CDC16: variants seen among roughly 807,000 people sequenced by gnomAD.
CDC16 encodes cell division cycle protein 16 homolog.
Under a neutral mutation model 87.0 loss-of-function variants are expected in CDC16, and 34 were observed. The ratio of observed to expected loss-of-function variants is 0.39; its 90% CI spans 0.30 to 0.52. The LOEUF (loss-of-function observed/expected upper bound fraction) is 0.52. Among genes scored for constraint, CDC16 ranks in the 20% least tolerant of loss-of-function variants. CDC16 has a pLI of 0.74. For synonymous variants in CDC16, 263 were observed against 260.6 expected (o/e 1.01, Z -0.09); for missense variants, 653 against 751.9 (o/e 0.87, Z 1.54).
chr13:114,249,439 T>C (rs17338074), intron 11 of CDC16, among the ~76,000 whole-genome samples: 9,458 of 152,172 alleles, frequency 0.062, 586 homozygotes, highest in African/African-American at 0.15. Flanking sequence ...GGCCAGGGAC[T>C]GATACCAGTC....
intron 12 of CDC16, among the ~76,000 whole-genome samples, chr13:114,255,591 T>TAA (rs111984756): frequency 0.01 from 1,456 of 144,170 alleles, 22 homozygotes; most frequent in African/African-American, 0.035. Flanking sequence ...ATTCCAAAAT[T>TAA]AAAAAAAAAA....
intron 11 of CDC16, among the ~76,000 whole-genome samples, chr13:114,249,787 A>G (rs2082065944): frequency 6.6e-6 from 1 of 152,198 alleles, no homozygotes; most frequent in African/African-American, 2.4e-5. Context: ...AGGTTACAAA[A>G]TGGAGCTCCT....
chr13:114,239,212 C>A, intron 4 of CDC16, 138 bp from the exon 5 acceptor site: 2 of 1,406,180 alleles, frequency 1.4e-6, no homozygotes, highest in Non-Finnish European at 1.9e-6. Context: ...CACATGCTGA[C>A]ATGCATGAAG....
chr13:114,246,502 G>T (rs1031729012), intron 10 of CDC16, among the ~76,000 whole-genome samples: 1 of 152,210 alleles, frequency 6.6e-6, no homozygotes, highest in Admixed American at 6.5e-5. Flanking sequence ...CAGGGACTGC[G>T]TCTTTAAGGA....
At position 114,236,626 on chromosome 13, in the gene CDC16, T is replaced by G. The variant is rs1224016910; in HGVS notation, c.49-19T>G. ...AAATAACAGGGCAGTTACCACCTTT[T>G]TTTTTTTTTGGTATGCAGCAACAGT... is the stretch of plus-strand genomic sequence containing the variant. On this transcript the variant is annotated intron_variant, in intron 1 of 17. Coordinates refer to ENST00000356221, the MANE Select transcript of CDC16 (RefSeq NM_001078645.3). The G allele has an allele frequency of 6.3e-7, 1 of 1,592,328 alleles. No homozygotes were observed. The highest frequency in any genetic ancestry group is 8.6e-7 in the Non-Finnish European group (1 of 1,169,222).
At chr13:114,268,954 G>T (rs2083424592) in intron 17 of CDC16, among the ~76,000 whole-genome samples, 1 of 152,208 alleles carries the variant, frequency 6.6e-6, no homozygotes. Flanking sequence ...GGTTATAAAA[G>T]GGTAAAGCCT....
At chr13:114,242,854 G>A (rs1237122103) in intron 6 of CDC16, among the ~76,000 whole-genome samples, 1 of 152,222 alleles carries the variant, frequency 6.6e-6, no homozygotes, top group East Asian at 1.9e-4. Context: ...TGGAGATGTT[G>A]TTTGTCACAG....
chr13:114,245,502 C>T (rs987130823), intron 9 of CDC16, among the ~76,000 whole-genome samples: 6 of 152,154 alleles, frequency 3.9e-5, no homozygotes, highest in African/African-American at 1.4e-4. Context: ...GGTTCGTGGA[C>T]CAGCAACATC....
intron 1 of CDC16, among the ~76,000 whole-genome samples, chr13:114,235,823 G>A (rs2081221839): frequency 6.6e-6 from 1 of 152,196 alleles, no homozygotes; most frequent in South Asian, 2.1e-4. Context: ...GGAGGGCTGT[G>A]TTTTTATTTA....
chr13:114,260,696 G>C (rs2082796482), intron 14 of CDC16, among the ~76,000 whole-genome samples: 1 of 152,180 alleles, frequency 6.6e-6, no homozygotes, highest in Non-Finnish European at 1.5e-5. Flanking sequence ...TCATTAAAAA[G>C]TTATACGAAG....
Position 114,239,396 on chromosome 13 carries a change from A to C in CDC16, c.287A>C (p.Glu96Ala). The change falls in exon 5 of 18, where the codon GAA (glutamate) becomes GCA (alanine). Residue 96 changes from glutamate (E) to alanine (A), a missense_variant. Coordinates refer to ENST00000356221, the MANE Select transcript of CDC16 (RefSeq NM_001078645.3). ...CAGGCCCTTGATGTTCTTGACATGGAAGAGCCCATCAATAAAAGATTATTT... is the reference window on the plus strand; with the variant it reads ...CAGGCCCTTGATGTTCTTGACATGGCAGAGCCCATCAATAAAAGATTATTT... ...HQQALDVLDM[E>A]EPINKRLFEK... is the part of the protein sequence containing the mutation. The C allele has an allele frequency of 6.2e-7, 1 of 1,612,996 alleles. No homozygotes were observed. Among genetic ancestry groups the C allele is most frequent in the Non-Finnish European group, 8.5e-7 (1 of 1,179,016 alleles).
At chr13:114,241,616 GC>G (rs2081557455) in intron 5 of CDC16, among the ~76,000 whole-genome samples, 1 of 152,206 alleles carries the variant, frequency 6.6e-6, no homozygotes, top group Non-Finnish European at 1.5e-5. Flanking sequence ...AGCAGTTGAA[GC>G]CCAGGGAAGG....
intron 17 of CDC16, among the ~76,000 whole-genome samples, chr13:114,268,486 C>T (rs947509306): frequency 6.6e-6 from 1 of 152,134 alleles, no homozygotes; most frequent in Admixed American, 6.5e-5. Context: ...TTAGGGGTTT[C>T]GTGTTGGTTA....
At chr13:114,251,587 T>G (rs780185373) in intron 12 of CDC16, among the ~76,000 whole-genome samples, 40 of 152,216 alleles carry the variant, frequency 2.6e-4, no homozygotes, top group Non-Finnish European at 5.1e-4. Context: ...GCGTTTAAAT[T>G]AGTACCCACC....
intron 7 of CDC16, among the ~76,000 whole-genome samples, 191 bp downstream of exon 7, chr13:114,243,539 G>A (rs1217736672): frequency 1.3e-5 from 2 of 149,822 alleles, no homozygotes. Flanking sequence ...TCCTCTGAAA[G>A]ACTCCTTATA....
intron 16 of CDC16, among the ~76,000 whole-genome samples, chr13:114,263,601 A>G (rs960163510): frequency 1.3e-5 from 2 of 152,368 alleles, no homozygotes; most frequent in Middle Eastern, 3.4e-3. Context: ...AAATGTACAT[A>G]TAAGTGAAAT....
intron 11 of CDC16, among the ~76,000 whole-genome samples, chr13:114,248,968 TC>T (rs771003766): frequency 1.8e-4 from 27 of 151,932 alleles, no homozygotes; most frequent in Non-Finnish European, 3.2e-4. Flanking sequence ...AAGCCCCCCC[TC>T]CCAGGGTGGG....
intron 12 of CDC16, among the ~76,000 whole-genome samples, chr13:114,253,370 T>G (rs1304048943): frequency 6.6e-6 from 1 of 152,100 alleles, no homozygotes; most frequent in Non-Finnish European, 1.5e-5. Flanking sequence ...GAGAACATAC[T>G]TCGTGTGATT....
intron 13 of CDC16, among the ~76,000 whole-genome samples, chr13:114,257,775 G>A (rs2139075698): frequency 6.6e-6 from 1 of 151,658 alleles, no homozygotes; most frequent in East Asian, 1.9e-4. Flanking sequence ...ATTAGTTTCA[G>A]TTTTTTTTGG....
Sources: gnomAD v4.1 joint callset for allele counts (sites outside exome capture counted in the v4.1 genomes callset) on GRCh38, gnomAD v4.1.1 for gene constraint, MANE v1.5 for transcripts, NCBI Gene and HGNC (gene_info 2026-07-23, HGNC 2026-07-21) for gene names.